The following AKAP7 variants were observed in gnomAD, a reference collection of about 807,000 sequenced individuals.
The protein encoded by AKAP7 is A-kinase anchoring protein 7, also known as A kinase (PRKA) anchor protein 7.
Under a neutral mutation model 39.5 loss-of-function variants are expected in AKAP7, and 39 were observed. That is an observed-to-expected ratio of 0.99 (90% CI 0.76 to 1.29). AKAP7 has a LOEUF of 1.29. Among genes scored for constraint, AKAP7 ranks in the 50% most tolerant of loss-of-function variants. The pLI is 0.00. For missense variants in AKAP7, 414 were observed against 407.7 expected (o/e 1.02, Z -0.13); for synonymous variants, 140 against 139.1 (o/e 1.01, Z -0.05).
intron 7 of AKAP7, among the ~76,000 whole-genome samples, chr6:131,224,170 A>G (rs554494061): frequency 2.0e-5 from 3 of 152,338 alleles, no homozygotes; most frequent in African/African-American, 7.2e-5. Context: ...ATCTAAAGTG[A>G]TAATTTATTG....
rs963067376 is a variant in AKAP7 at position 131,281,303 on chromosome 6, G to A, written c.851-227G>A. On this transcript the variant is annotated intron_variant, in intron 7 of 7. Coordinates refer to ENST00000431975, the MANE Select transcript of AKAP7 (RefSeq NM_016377.4). This position sits in a 1 kb window ranked among gnomAD's most constrained non-coding sequence, Gnocchi z 4.0. The stretch of plus-strand genomic sequence containing the variant: ...GAAACATCCGGCATTGGTAGGTAGA[G>A]CTTGTCTAGATTGGGACTAATGAAC... Among the ~76,000 whole-genome samples the A allele has an allele frequency of 6.6e-6, 1 of 152,232 alleles. No individual in the cohort carries two copies. The highest frequency in any genetic ancestry group is 2.4e-5 in the African/African-American group (1 of 41,462).
intron 7 of AKAP7, among the ~76,000 whole-genome samples, chr6:131,224,414 C>T (rs12196463): frequency 0.12 from 17,746 of 151,832 alleles, 1,185 homozygotes; most frequent in Admixed American, 0.19. Flanking sequence ...ACATTAATAC[C>T]GTGGGACAGA....
chr6:131,283,312 G>T lies in AKAP7; in HGVS notation c.*1586G>T, dbSNP rs979535340. 1 of 152,484 alleles carries T rather than the reference G, an allele frequency of 6.6e-6. No homozygotes were observed. The allele number at this position is 152,484 out of a possible 1,614,324, so 9.4% of individuals were successfully genotyped here. On this transcript the variant is annotated 3_prime_UTR_variant, in exon 8 of 8. Coordinates refer to ENST00000431975, the MANE Select transcript of AKAP7 (RefSeq NM_016377.4). ...AAGAGCATCTTGAAAAACTTCCCCG[G>T]TATGATGATTGTTGGTAACAACTTT...
chr6:131,208,611 G>T (rs1251506203), intron 6 of AKAP7, among the ~76,000 whole-genome samples: 1 of 152,184 alleles, frequency 6.6e-6, no homozygotes, highest in African/African-American at 2.4e-5. Flanking sequence ...TTTATGTGAG[G>T]CAGGGATCTG....
chr6:131,276,616 G>T (rs1167035995), intron 7 of AKAP7, among the ~76,000 whole-genome samples: 1 of 152,126 alleles, frequency 6.6e-6, no homozygotes, highest in Non-Finnish European at 1.5e-5. Context: ...GGAAGTTCCA[G>T]TGAAGGGGAG....
intron 3 of AKAP7, chr6:131,164,199 T>A (rs565610175): frequency 8.2e-5 from 26 of 318,830 alleles, no homozygotes; most frequent in Middle Eastern, 2.2e-3. Flanking sequence ...TCCCTTTTTT[T>A]CTATTGTGCT....
At chr6:131,251,486 A>G (rs749463716) in intron 7 of AKAP7, among the ~76,000 whole-genome samples, 18 of 152,130 alleles carry the variant, frequency 1.2e-4, no homozygotes, top group Non-Finnish European at 8.8e-5. Context: ...ATGGAATTTC[A>G]TATCTGGTTC....
At chr6:131,195,217 G>A (rs1806805503) in intron 5 of AKAP7, among the ~76,000 whole-genome samples, 1 of 151,386 alleles carries the variant, frequency 6.6e-6, no homozygotes. Context: ...TTTTTGCTTT[G>A]AGGTTACCCT....
chr6:131,224,972 G>A (rs1205735267), intron 7 of AKAP7, among the ~76,000 whole-genome samples: 3 of 151,618 alleles, frequency 2.0e-5, no homozygotes, highest in Non-Finnish European at 2.9e-5. Context: ...GGCCAGGCTG[G>A]TATCGAACTC....
At chr6:131,228,435 A>C (rs546424666) in intron 7 of AKAP7, among the ~76,000 whole-genome samples, 2 of 152,210 alleles carry the variant, frequency 1.3e-5, no homozygotes, top group African/African-American at 4.8e-5. Flanking sequence ...CAGTAGGAAT[A>C]TGTGCCTCAT....
chr6:131,184,569 G>A (rs745315747), intron 5 of AKAP7: 5 of 727,516 alleles, frequency 6.9e-6, no homozygotes, highest in Admixed American at 1.8e-5. Flanking sequence ...TCATCATGGG[G>A]GTGAAATGGA....
At chr6:131,254,567 T>TTATA (rs1488269767) in intron 7 of AKAP7, among the ~76,000 whole-genome samples, 1 of 152,230 alleles carries the variant, frequency 6.6e-6, no homozygotes, top group African/African-American at 2.4e-5. Context: ...TACACTGCTT[T>TTATA]TATGTAGAAT....
chr6:131,203,449 T>C (rs1436106908), intron 6 of AKAP7, among the ~76,000 whole-genome samples: 1 of 151,680 alleles, frequency 6.6e-6, no homozygotes, highest in African/African-American at 2.4e-5. Flanking sequence ...GAAATAATAG[T>C]TTTTTTTTAA....
chr6:131,278,642 G>T (rs555229708), intron 7 of AKAP7, among the ~76,000 whole-genome samples: 13 of 152,274 alleles, frequency 8.5e-5, no homozygotes, highest in African/African-American at 2.9e-4. Flanking sequence ...ATCTTACACG[G>T]CCAGAGCAGG....
At chr6:131,185,122 G>A (rs1805701650) in intron 5 of AKAP7, 2 of 627,698 alleles carry the variant, frequency 3.2e-6, no homozygotes, top group African/African-American at 3.6e-5. Flanking sequence ...GGGTCAGTGT[G>A]CAACAGAACC....
chr6:131,166,841 G>A (rs1803548004), intron 4 of AKAP7, among the ~76,000 whole-genome samples: 1 of 152,158 alleles, frequency 6.6e-6, no homozygotes, highest in South Asian at 2.1e-4. Context: ...TAGACATCTA[G>A]ATTGTCCATT....
intron 7 of AKAP7, among the ~76,000 whole-genome samples, chr6:131,245,328 G>A (rs145351132): frequency 3.4e-5 from 5 of 146,180 alleles, no homozygotes; most frequent in African/African-American, 1.0e-4. Context: ...CACTGCAACC[G>A]CCACCTCCCA....
Position 131,241,627 on chromosome 6 carries a change from G to GTGTGTGTGTATATATATA in AKAP7, c.850+21820_850+21821insGTGTGTGTATATATATAT. The stretch of plus-strand genomic sequence containing the variant: ...TGTGTGTGTGTGTGTGTGTGTGTGT[G>GTGTGTGTGTATATATATA]TATATATATATGACAGTTATAGGAT... On this transcript the variant is annotated intron_variant, in intron 7 of 7. Coordinates refer to ENST00000431975, the MANE Select transcript of AKAP7 (RefSeq NM_016377.4). 9.2e-5 allele frequency among the ~76,000 whole-genome samples: 8 copies of GTGTGTGTGTATATATATA among 86,670 alleles called. No homozygotes were observed. The South Asian group carries it at 1.5e-3, about 16-fold the overall frequency. The allele number at this position is 86,670 out of a possible 152,430, so 56.9% of individuals were successfully genotyped here.
chr6:131,199,548 C>A lies in AKAP7; in HGVS notation c.677C>A (p.Ser226Ter), dbSNP rs755238606. ...FKPHLTFMKL[S>*]KSPWLRKNGV... The stretch of plus-strand genomic sequence containing the variant: ...CCTCATTTGACCTTCATGAAGTTGT[C>A]AAAATCACCGTGGCTCCGTAAGAAT... Residue 226 changes from serine to a stop codon, truncating the protein, a stop_gained, in exon 6 of 8, where the codon TCA (serine) becomes TAA (stop). Transcript: ENST00000431975. LOFTEE classifies it high-confidence loss of function. 1 of 1,609,728 alleles carries A rather than the reference C, an allele frequency of 6.2e-7. No individual in the cohort carries two copies. The highest frequency in any genetic ancestry group is 1.1e-5 in the South Asian group (1 of 90,938).
Sources: allele counts gnomAD v4.1 joint callset (sites outside exome capture counted in the v4.1 genomes callset), GRCh38; gene constraint gnomAD v4.1.1; non-coding constraint Gnocchi (gnomAD v3.1); transcripts MANE v1.5; gene names NCBI Gene and HGNC (gene_info 2026-07-23, HGNC 2026-07-21).